Variants in HAS3 observed in about 807,000 individuals in gnomAD.
The protein encoded by HAS3 is HA synthase 3.
A neutral mutation model predicts 50.3 loss-of-function variants in HAS3; 27 were observed. The observed-to-expected ratio is 0.54, with a 90% CI of 0.40 to 0.74. The LOEUF (loss-of-function observed/expected upper bound fraction) is 0.74, where lower values mean the gene tolerates loss of function less well. HAS3 is among the 30% of genes least tolerant of loss of function. The pLI, the probability that HAS3 is intolerant of heterozygous loss-of-function variation, is 0.00. For missense variants in HAS3, 517 were observed against 742.8 expected (o/e 0.70, Z 3.53); for synonymous variants, 339 against 310.9 (o/e 1.09, Z -0.95).
Position 69,116,533 on chromosome 16 carries a change from T to C in HAS3, c.*1267T>C. 2 of 985,570 alleles carry C rather than the reference T, an allele frequency of 2.0e-6. No homozygotes were observed. Among genetic ancestry groups the C allele is most frequent in the South Asian group, 4.7e-5 (1 of 21,280 alleles). The allele number at this position is 985,570 out of a possible 1,614,324, so 61.1% of individuals were successfully genotyped here. ...AAATGGTTATCTTTGAGACCATCCA[T>C]TCTCCTCAGTGGCTTCTCCAGGGAA... On this transcript the variant is annotated 3_prime_UTR_variant, in exon 4 of 4. Transcript: ENST00000569188.
upstream of HAS3, among the ~76,000 whole-genome samples, chr16:69,104,992 G>GGTTTTTTTTTTTTTTTTTTTTTT (rs1567576954): frequency 1.2e-5 from 1 of 81,958 alleles, no homozygotes; most frequent in Non-Finnish European, 2.3e-5. Context: ...CTGTTTTTTG[G>GGTTTTTTTTTTTTTTTTTTTTTT]TTTTTTTTTT....
the HAS3 span, among the ~76,000 whole-genome samples, chr16:69,096,648 C>T: frequency 8.9e-6 from 1 of 112,972 alleles, no homozygotes; most frequent in Non-Finnish European, 1.7e-5. Context: ...GACGGAGTGT[C>T]GCTCTGTCAC....
the HAS3 span, among the ~76,000 whole-genome samples, chr16:69,095,013 G>A: frequency 2.2e-5 from 3 of 133,556 alleles, no homozygotes; most frequent in Non-Finnish European, 4.6e-5. Context: ...GACAGTGTTC[G>A]CTCTGTCACC....
Position 69,117,595 on chromosome 16 carries a change from T to C in HAS3, c.*2329T>C, listed in dbSNP as rs1961246986. The C allele has an allele frequency of 1.2e-6, 1 of 804,208 alleles. No homozygotes were observed. Among genetic ancestry groups the C allele is most frequent in the Non-Finnish European group, 1.5e-6 (1 of 664,884 alleles). 49.8% of individuals were successfully genotyped at this position (804,208 alleles called of 1,614,324 possible). ...TACCTGCTTTTTTTTTTTTTTTTAA[T>C]TTTCAGGTCAAGTTTTTTATACTGC... On this transcript the variant is annotated 3_prime_UTR_variant, in exon 4 of 4. Transcript: ENST00000569188.
the HAS3 span, among the ~76,000 whole-genome samples, chr16:69,087,145 C>T: frequency 6.6e-6 from 1 of 152,130 alleles, no homozygotes; most frequent in Non-Finnish European, 1.5e-5. Context: ...TCCTAGATTC[C>T]TCTGTGGCAC....
the HAS3 span, chr16:69,083,543 A>G: frequency 6.2e-7 from 1 of 1,612,076 alleles, no homozygotes; most frequent in African/African-American, 1.3e-5. Flanking sequence ...GTGTGTCTGG[A>G]GCCCGATGAC....
intron 3 of HAS3, 45 bp downstream of exon 3, chr16:69,113,587 T>C: frequency 2.6e-6 from 3 of 1,153,304 alleles, no homozygotes; most frequent in Non-Finnish European, 3.8e-6. Context: ...TCTGGACTCT[T>C]TTTCCTAATC....
rs1382967260 is a variant in HAS3, at chr16:69,115,903, C to G, written c.*637C>G. 1 of 985,714 alleles carries G rather than the reference C, an allele frequency of 1.0e-6. No individual in the cohort carries two copies. The allele number at this position is 985,714 out of a possible 1,614,324, so 61.1% of individuals were successfully genotyped here. A position where few individuals can be genotyped will look rare whatever the true frequency, so the allele number is the denominator to read the frequency against. Reference sequence around the variant, plus strand: ...AAACCAGCAGGGAGTTAGCACTGAACTGCTTTTAAAAGTGCACATTAAAAA... The same window carrying G: ...AAACCAGCAGGGAGTTAGCACTGAAGTGCTTTTAAAAGTGCACATTAAAAA... On this transcript the variant is annotated 3_prime_UTR_variant, in exon 4 of 4. Transcript: ENST00000569188.
chr16:69,088,007 G>C, the HAS3 span, among the ~76,000 whole-genome samples: 9 of 151,892 alleles, frequency 5.9e-5, no homozygotes, highest in African/African-American at 1.9e-4. Flanking sequence ...CCCGGCCCTT[G>C]CTTCGTTTGT....
intron 1 of HAS3, among the ~76,000 whole-genome samples, chr16:69,108,670 G>T (rs972054930): frequency 2.0e-5 from 3 of 152,138 alleles, no homozygotes; most frequent in Admixed American, 6.5e-5. Context: ...GCTCTAGGAG[G>T]CTGTCCACTC....
At chr16:69,100,013 C>T in the HAS3 span, among the ~76,000 whole-genome samples, 2 of 152,088 alleles carry the variant, frequency 1.3e-5, no homozygotes, top group African/African-American at 4.8e-5. Context: ...AGGGGCTGAC[C>T]GCTTTGCCTC....
chr16:69,091,252 C>T, the HAS3 span, among the ~76,000 whole-genome samples: 1 of 152,274 alleles, frequency 6.6e-6, no homozygotes, highest in Non-Finnish European at 1.5e-5. Flanking sequence ...ACACTCATAT[C>T]AGTACTCACA....
rs1960860651 is a variant in HAS3, at chr16:69,107,856, G to C, written c.1-1540G>C. On this transcript the variant is annotated intron_variant, in intron 1 of 3. Coordinates refer to ENST00000569188, the MANE Select transcript of HAS3 (RefSeq NM_001199280.2). This position sits in a 1 kb window ranked among gnomAD's most constrained non-coding sequence, Gnocchi z 5.5. ...CCGGGACGGTGGGGCAGAGCGCCCGGAGGCCGCGCTTCCCGGAGAGGCTAG... is the reference window on the plus strand; with the variant it reads ...CCGGGACGGTGGGGCAGAGCGCCCGCAGGCCGCGCTTCCCGGAGAGGCTAG... 6.6e-6 allele frequency among the ~76,000 whole-genome samples: 1 copy of C among 152,242 alleles called. No homozygotes were observed. The highest frequency in any genetic ancestry group is 2.1e-4 in the South Asian group (1 of 4,834).
chr16:69,094,980 CTTTTTT>C, the HAS3 span, among the ~76,000 whole-genome samples: 1 of 124,932 alleles, frequency 8.0e-6, no homozygotes, highest in African/African-American at 3.1e-5. Flanking sequence ...CCATTGTTAA[CTTTTTT>C]TTTTTTTTTT....
At chr16:69,089,818 G>A in the HAS3 span, among the ~76,000 whole-genome samples, 1 of 152,152 alleles carries the variant, frequency 6.6e-6, no homozygotes, top group Non-Finnish European at 1.5e-5. Context: ...ACGCTACCAG[G>A]CCTCAGTTTT....
chr16:69,114,997 G>A lies in HAS3; in HGVS notation c.1393G>A (p.Gly465Ser). The A allele has an allele frequency of 6.2e-7, 1 of 1,614,112 alleles. No homozygotes were observed. Among genetic ancestry groups the A allele is most frequent in the Non-Finnish European group, 8.5e-7 (1 of 1,180,032 alleles). Residue 465 changes from glycine (G) to serine (S), a missense_variant, in exon 4 of 4, where the codon GGC becomes AGC. Gly to Ser is a moderately conservative substitution (Grantham distance 56, BLOSUM62 0). Coordinates refer to ENST00000569188, the MANE Select transcript of HAS3 (RefSeq NM_001199280.2). This position sits in a 1 kb window ranked among gnomAD's most constrained non-coding sequence, Gnocchi z 6.4. ...TGCCATTGCTACCATCAACAAATCTGGCTGGGGCACCTCTGGCCGAAAAAC... is the reference window on the plus strand; with the variant it reads ...TGCCATTGCTACCATCAACAAATCTAGCTGGGGCACCTCTGGCCGAAAAAC... ...IFAIATINKS[G>S]WGTSGRKTIV...
intron 2 of HAS3, among the ~76,000 whole-genome samples, chr16:69,110,962 G>C (rs964618761): frequency 6.6e-6 from 1 of 152,100 alleles, no homozygotes; most frequent in African/African-American, 2.4e-5. Flanking sequence ...TTTTGTAGGA[G>C]CATCGGCAGG....
chr16:69,109,212 GTGGCAGAGC>G lies in HAS3; in HGVS notation c.1-180_1-172del. Among the ~76,000 whole-genome samples the G allele has an allele frequency of 2.0e-5, 3 of 152,362 alleles. No homozygotes were observed. The highest frequency in any genetic ancestry group is 2.0e-4 in the Admixed American group (3 of 15,308). ...TGACGTAAGGGGGCACAGACATCAA[GTGGCAGAGC>G]TGGGATCTGAACCCCAGTAGTCTGG... On this transcript the variant is annotated intron_variant, in intron 1 of 3. Coordinates refer to ENST00000569188, the MANE Select transcript of HAS3 (RefSeq NM_001199280.2). This position sits in a 1 kb window ranked among gnomAD's most constrained non-coding sequence, Gnocchi z 5.3.
intron 2 of HAS3, among the ~76,000 whole-genome samples, chr16:69,112,943 C>G (rs1216538598): frequency 1.3e-5 from 2 of 152,182 alleles, no homozygotes; most frequent in Admixed American, 6.5e-5. Flanking sequence ...TATTACTGGT[C>G]TCATAGAGGT....
Sources: gnomAD v4.1 joint callset for allele counts (sites outside exome capture counted in the v4.1 genomes callset) on GRCh38, gnomAD v4.1.1 for gene constraint, Gnocchi (gnomAD v3.1) non-coding constraint, MANE v1.5 for transcripts, NCBI Gene and HGNC (gene_info 2026-07-23, HGNC 2026-07-21) for gene names.